The following ARHGAP1 variants were observed in gnomAD, a reference collection of about 807,000 sequenced individuals.
ARHGAP1 encodes the protein Rho GTPase activating protein 1, also known as rho GTPase-activating protein 1.
Under a neutral mutation model 52.2 loss-of-function variants are expected in ARHGAP1, and 23 were observed. That is an observed-to-expected ratio of 0.44 (90% CI 0.32 to 0.62). The LOEUF (loss-of-function observed/expected upper bound fraction) is 0.62, where lower values mean the gene tolerates loss of function less well. Ranked by LOEUF, ARHGAP1 falls within the 20% of genes least tolerant of loss-of-function variation. The probability of loss-of-function intolerance (pLI) is 0.05; values close to 1 mark genes in which losing one functional copy is unlikely to be tolerated. For missense variants in ARHGAP1, 480 were observed against 560.9 expected (o/e 0.86, Z 1.46); for synonymous variants, 210 against 228.4 (o/e 0.92, Z 0.73).
intron 1 of ARHGAP1, among the ~76,000 whole-genome samples, chr11:46,697,841 C>G (rs542131286): frequency 7.9e-5 from 12 of 152,288 alleles, no homozygotes; most frequent in African/African-American, 9.6e-5. Flanking sequence ...CCAGCTCCCT[C>G]ACTCCCCTTC....
In ARHGAP1 at chr11:46,694,619, C is replaced by T. The variant is rs552602372; in HGVS notation, c.229+1041G>A. ...AGAGACTCCTTCACATCAGGTACCC[C>T]CCAGACTCCAGTCAAGTTCAGAACC... is the stretch of plus-strand genomic sequence containing the variant. On this transcript the variant is annotated intron_variant, in intron 3 of 12. Coordinates refer to ENST00000311956, the MANE Select transcript of ARHGAP1 (RefSeq NM_004308.5). Among the ~76,000 whole-genome samples, 6 of 152,298 alleles carry T rather than the reference C, an allele frequency of 3.9e-5. No homozygotes were observed. The South Asian group carries it at 1.2e-3, about 32-fold the overall frequency.
At chr11:46,692,540 T>C (rs1013857259) in intron 3 of ARHGAP1, among the ~76,000 whole-genome samples, 8 of 151,984 alleles carry the variant, frequency 5.3e-5, no homozygotes, top group East Asian at 3.9e-4. Context: ...AGGGAAGCTG[T>C]TGGGGGGAGG....
intron 3 of ARHGAP1, among the ~76,000 whole-genome samples, chr11:46,692,768 A>G (rs1401572363): frequency 6.6e-6 from 1 of 151,886 alleles, no homozygotes; most frequent in African/African-American, 2.4e-5. Context: ...GCTCACTGCA[A>G]CCTCTACCTC....
At chr11:46,688,297 G>A (rs1422702795) in intron 3 of ARHGAP1, 37 bp from the exon 4 acceptor site, 6 of 1,587,502 alleles carry the variant, frequency 3.8e-6, no homozygotes, top group Non-Finnish European at 5.2e-6. Flanking sequence ...GTGGGTTGAA[G>A]GGGAACCAAA....
At position 46,680,587 on chromosome 11, in the gene ARHGAP1, C is replaced by T. The variant is rs369698233; in HGVS notation, c.744-24G>A. ...GGCTGCGGGAAAAAGGCTGGTGAGCCGGGCCTGCAGCCCTTCCCGCCCCGC... is the reference window on the plus strand; with the variant it reads ...GGCTGCGGGAAAAAGGCTGGTGAGCTGGGCCTGCAGCCCTTCCCGCCCCGC... On this transcript the variant is annotated intron_variant, in intron 8 of 12. Coordinates refer to ENST00000311956, the MANE Select transcript of ARHGAP1 (RefSeq NM_004308.5). The surrounding 1 kb of genome is among the most constrained non-coding windows in gnomAD (Gnocchi z 5.9). The T allele has an allele frequency of 9.3e-6, 15 of 1,613,696 alleles. No homozygotes were observed. Among genetic ancestry groups the T allele is most frequent in the Non-Finnish European group, 1.3e-5 (15 of 1,179,786 alleles).
Position 46,681,348 on chromosome 11 carries a change from C to T in ARHGAP1, c.481G>A (p.Val161Met), listed in dbSNP as rs778610011. ...GTTTTGATGAACATGGTTGGATGCACGATGTACAAGGCCTTGATGTTTTTC... is the reference window on the plus strand; with the variant it reads ...GTTTTGATGAACATGGTTGGATGCATGATGTACAAGGCCTTGATGTTTTTC... ...YKKNIKALYI[V>M]HPTMFIKTLL... is the part of the protein sequence containing the mutation. Residue 161 changes from valine (V) to methionine (M), a missense_variant, in exon 6 of 13, where the codon GTG becomes ATG. Physicochemically the swap from Val to Met is conservative, Grantham distance 21. Coordinates refer to ENST00000311956, the MANE Select transcript of ARHGAP1 (RefSeq NM_004308.5). The surrounding 1 kb of genome is among the most constrained non-coding windows in gnomAD (Gnocchi z 5.7). The T allele has an allele frequency of 4.3e-6, 7 of 1,613,422 alleles. No individual in the cohort carries two copies. The highest frequency in any genetic ancestry group is 3.3e-5 in the Admixed American group (2 of 59,994).
At position 46,688,254 on chromosome 11, in the gene ARHGAP1, T is replaced by A. The variant is rs1379319700; in HGVS notation, c.236A>T (p.Asp79Val). Residue 79 changes from aspartate (D) to valine (V), a missense_variant, in exon 4 of 13, where the codon GAC (aspartate) becomes GTC (valine). Transcript: ENST00000311956. ...CACAATGATCTTCCGCCCATACTTG[T>A]CATCTCCTAGGTGTGGAGAAAGATG... is the stretch of plus-strand genomic sequence containing the variant. ...RHQIVEVAGDDKYGRKIIVFS... is the reference protein window; with the variant it reads ...RHQIVEVAGDVKYGRKIIVFS... 1.2e-6 allele frequency: 2 copies of A among 1,613,642 alleles called. No homozygotes were observed. Among genetic ancestry groups the A allele is most frequent in the Non-Finnish European group, 1.7e-6 (2 of 1,179,798 alleles).
intron 3 of ARHGAP1, 85 bp from the exon 4 acceptor site, chr11:46,688,345 T>A: frequency 7.4e-7 from 1 of 1,344,416 alleles, no homozygotes; most frequent in Non-Finnish European, 1.0e-6. Flanking sequence ...CCAGGCCTGC[T>A]GATCTGAGCC....
At position 46,696,849 on chromosome 11, in the gene ARHGAP1, G is replaced by A. The variant is rs1351280998; in HGVS notation, c.-49-693C>T. Among the ~76,000 whole-genome samples, 1 of 152,098 alleles carries A rather than the reference G, an allele frequency of 6.6e-6. No individual in the cohort carries two copies. Among genetic ancestry groups the A allele is most frequent in the Non-Finnish European group, 1.5e-5 (1 of 68,030 alleles). ...GTGCCATTGCACTTCCAGCCTAGGC[G>A]ACAGGGCAAGACTCCATCCCAAAAA... On this transcript the variant is annotated intron_variant, in intron 1 of 12. Coordinates refer to ENST00000311956, the MANE Select transcript of ARHGAP1 (RefSeq NM_004308.5). This position sits in a 1 kb window ranked among gnomAD's most constrained non-coding sequence, Gnocchi z 4.8.
intron 4 of ARHGAP1, among the ~76,000 whole-genome samples, chr11:46,685,098 A>G (rs1205148189): frequency 6.6e-6 from 1 of 151,516 alleles, no homozygotes; most frequent in Non-Finnish European, 1.5e-5. Flanking sequence ...AAAAAAAAAA[A>G]AAAAAAAAGA....
At chr11:46,690,295 G>A (rs1485504030) in intron 3 of ARHGAP1, among the ~76,000 whole-genome samples, 4 of 152,142 alleles carry the variant, frequency 2.6e-5, no homozygotes, top group East Asian at 1.9e-4. Flanking sequence ...GCTGAGGCAG[G>A]AGAATGGCAT....
At position 46,700,604 on chromosome 11, in the gene ARHGAP1, G is replaced by A. The variant is rs971837082; in HGVS notation, c.-103C>T. The A allele has an allele frequency of 4.7e-6, 1 of 211,870 alleles. No homozygotes were observed. The highest frequency in any genetic ancestry group is 9.6e-6 in the Non-Finnish European group (1 of 104,460). 13.1% of individuals were successfully genotyped at this position (211,870 alleles called of 1,614,324 possible). A position where few individuals can be genotyped will look rare whatever the true frequency, so the allele number is the denominator to read the frequency against. On this transcript the variant is annotated 5_prime_UTR_variant, in exon 1 of 13. Transcript: ENST00000311956. ...GCCTGTCAAGGCTCGGCAAACATCC[G>A]GCTCCGCGGTGGAACGGGAACCGCC...
intron 3 of ARHGAP1, chr11:46,695,102 G>C (rs1383665610): frequency 4.8e-6 from 1 of 209,758 alleles, no homozygotes; most frequent in African/African-American, 2.3e-5. Flanking sequence ...CCCCCCTTAT[G>C]AACAGGAGGG....
rs1211670573 is a variant in ARHGAP1, at chr11:46,700,591, T to C, written c.-90A>G. ...CTCCCTCTGCCACGCCTGTCAAGGC[T>C]CGGCAAACATCCGGCTCCGCGGTGG... On this transcript the variant is annotated 5_prime_UTR_variant, in exon 1 of 13. Coordinates refer to ENST00000311956, the MANE Select transcript of ARHGAP1 (RefSeq NM_004308.5). 3 of 204,106 alleles carry C rather than the reference T, an allele frequency of 1.5e-5. No homozygotes were observed. The highest frequency in any genetic ancestry group is 1.0e-4 in the South Asian group (1 of 9,712). The allele number at this position is 204,106 out of a possible 1,614,324, so 12.6% of individuals were successfully genotyped here. A position where few individuals can be genotyped will look rare whatever the true frequency, so the allele number is the denominator to read the frequency against.
intron 1 of ARHGAP1, among the ~76,000 whole-genome samples, chr11:46,699,341 T>C (rs2064680740): frequency 6.6e-6 from 1 of 152,150 alleles, no homozygotes; most frequent in African/African-American, 2.4e-5. Flanking sequence ...GACCATGAAC[T>C]GGGGACACAA....
Position 46,688,078 on chromosome 11 carries a change from G to C in ARHGAP1, c.317+95C>G, listed in dbSNP as rs117110037. ...GGAAGGCATTAAGGCAGGTGGCCTA[G>C]CACCCACAGGCAGGGAGGGACAGTA... On this transcript the variant is annotated intron_variant, in intron 4 of 12. Transcript: ENST00000311956. 0.011 allele frequency: 13,199 copies of C among 1,245,686 alleles called. 84 individuals carry two copies. Among genetic ancestry groups the C allele is most frequent in the Non-Finnish European group, 0.013 (11,704 of 878,986 alleles). 77.2% of individuals were successfully genotyped at this position (1,245,686 alleles called of 1,614,324 possible). A position where few individuals can be genotyped will look rare whatever the true frequency, so the allele number is the denominator to read the frequency against.
At chr11:46,682,362 G>T (rs898517513) in intron 4 of ARHGAP1, among the ~76,000 whole-genome samples, 180 bp from the exon 5 acceptor site, 1 of 152,220 alleles carries the variant, frequency 6.6e-6, no homozygotes, top group African/African-American at 2.4e-5. Context: ...GCCTAGGGTA[G>T]AGGCTGGGCA....
In ARHGAP1 at chr11:46,678,449, C is replaced by CA. The variant is rs1026317158; in HGVS notation, c.*587dup. ...TGGAAGAGGAGGCAGAAAGCAGACA[C>CA]AGTCTCCAGCCCTGTCACTCCTCAG... On this transcript the variant is annotated 3_prime_UTR_variant, in exon 13 of 13. Coordinates refer to ENST00000311956, the MANE Select transcript of ARHGAP1 (RefSeq NM_004308.5). 6.0e-5 allele frequency: 10 copies of CA among 165,532 alleles called. No individual in the cohort carries two copies. Among genetic ancestry groups the CA allele is most frequent in the African/African-American group, 2.4e-4 (10 of 41,636 alleles). 10.3% of individuals were successfully genotyped at this position (165,532 alleles called of 1,614,324 possible).
chr11:46,695,509 C>G, intron 3 of ARHGAP1, 151 bp downstream of exon 3: 1 of 825,586 alleles, frequency 1.2e-6, no homozygotes, highest in African/African-American at 1.7e-5. Flanking sequence ...TTTCTGACTT[C>G]AAAGCCACTA....
Sources: allele counts gnomAD v4.1 joint callset (sites outside exome capture counted in the v4.1 genomes callset), GRCh38; gene constraint gnomAD v4.1.1; non-coding constraint Gnocchi (gnomAD v3.1); transcripts MANE v1.5; gene names NCBI Gene and HGNC (gene_info 2026-07-23, HGNC 2026-07-21).